Variants in DHRS7 observed in about 807,000 individuals in gnomAD.
DHRS7 encodes the protein dehydrogenase/reductase SDR family member 7.
DHRS7 carries 34 observed loss-of-function variants against 38.9 expected under a neutral mutation model. The observed-to-expected ratio is 0.87, with a 90% CI of 0.66 to 1.16. DHRS7 has a LOEUF of 1.16. Among genes scored for constraint, DHRS7 ranks in the 50% most tolerant of loss-of-function variants. The pLI is 0.00. For synonymous variants in DHRS7, 158 were observed against 153.1 expected, an observed-to-expected ratio of 1.03 and a Z score of -0.24; for missense variants, 421 against 407.0, an observed-to-expected ratio of 1.03 and a Z score of -0.30.
At chr14:60,154,136 C>T (rs987196714) in intron 2 of DHRS7, 71 bp from the exon 3 acceptor site, 2 of 1,175,310 alleles carry the variant, frequency 1.7e-6, no homozygotes, top group African/African-American at 1.5e-5. Context: ...CTCCCACTAA[C>T]ACCCACCCTG....
rs1338538492 is a variant in DHRS7 at position 60,148,385 on chromosome 14, A to G, written c.972+968T>C. Among the ~76,000 whole-genome samples, 1 of 152,214 alleles carries G rather than the reference A, an allele frequency of 6.6e-6. No individual in the cohort carries two copies. The highest frequency in any genetic ancestry group is 1.5e-5 in the Non-Finnish European group (1 of 68,036). ...ATCCTCAGCAATAATCTTTTGCTGC[A>G]TAATCATCTATAATTTTTGGTTTAC... On this transcript the variant is annotated intron_variant, in intron 6 of 6. Transcript: ENST00000557185. The surrounding 1 kb of genome is among the most constrained non-coding windows in gnomAD (Gnocchi z 4.8).
At chr14:60,150,518 C>T (rs1896522019) in intron 4 of DHRS7, among the ~76,000 whole-genome samples, 1 of 152,020 alleles carries the variant, frequency 6.6e-6, no homozygotes, top group African/African-American at 2.4e-5. Context: ...TTCCTGTGTC[C>T]AAGTGTTCTC....
At position 60,162,409 on chromosome 14, in the gene DHRS7, T is replaced by C. The variant is rs1467638290; in HGVS notation, c.133+2768A>G. 6.6e-6 allele frequency among the ~76,000 whole-genome samples: 1 copy of C among 151,562 alleles called. No homozygotes were observed. Among genetic ancestry groups the C allele is most frequent in the Non-Finnish European group, 1.5e-5 (1 of 67,934 alleles). On this transcript the variant is annotated intron_variant, in intron 1 of 6. Coordinates refer to ENST00000557185, the MANE Select transcript of DHRS7 (RefSeq NM_016029.4). This position sits in a 1 kb window ranked among gnomAD's most constrained non-coding sequence, Gnocchi z 4.5. ...AAAAAAAAAATCACCATGTGAGATATATGCTTGGAAATGCACAGAATTTCT... is the reference window on the plus strand; with the variant it reads ...AAAAAAAAAATCACCATGTGAGATACATGCTTGGAAATGCACAGAATTTCT...
upstream of DHRS7, among the ~76,000 whole-genome samples, chr14:60,168,272 ATAAGCAGT>A (rs1307325470): frequency 6.6e-6 from 1 of 152,220 alleles, no homozygotes; most frequent in African/African-American, 2.4e-5. Flanking sequence ...TCTCTTAAAC[ATAAGCAGT>A]TTATAGCTCT....
intron 4 of DHRS7, 107 bp from the exon 5 acceptor site, chr14:60,150,294 G>T: frequency 9.2e-7 from 1 of 1,081,662 alleles, no homozygotes; most frequent in Non-Finnish European, 1.3e-6. Flanking sequence ...GACAGGTAGT[G>T]TAATCATGCA....
At chr14:60,159,002 C>G in intron 1 of DHRS7, 1 of 406,042 alleles carries the variant, frequency 2.5e-6, no homozygotes, top group South Asian at 2.1e-5. Flanking sequence ...GAGGCATCCT[C>G]CCCATCCCTT....
intron 1 of DHRS7, among the ~76,000 whole-genome samples, chr14:60,158,414 A>AT (rs1896700531): frequency 6.6e-6 from 1 of 152,108 alleles, no homozygotes; most frequent in South Asian, 2.1e-4. Context: ...TTATTCATTC[A>AT]TTGACTACTT....
At chr14:60,151,418 G>A (rs953705995) in intron 4 of DHRS7, among the ~76,000 whole-genome samples, 1 of 151,796 alleles carries the variant, frequency 6.6e-6, no homozygotes, top group Non-Finnish European at 1.5e-5. Flanking sequence ...ACAGTACATT[G>A]TATATGATCC....
chr14:60,149,971 G>T, intron 5 of DHRS7, 94 bp downstream of exon 5: 1 of 1,332,118 alleles, frequency 7.5e-7, no homozygotes, highest in Non-Finnish European at 1.0e-6. Context: ...CACTTCTAAG[G>T]CAAAAACTAT....
chr14:60,149,311 A>G, intron 6 of DHRS7, 42 bp downstream of exon 6: 1 of 1,582,358 alleles, frequency 6.3e-7, no homozygotes, highest in Non-Finnish European at 8.7e-7. Context: ...CCTTCCTGCA[A>G]GATTGGTACA....
At chr14:60,150,238 A>G (rs748710545) in intron 4 of DHRS7, 51 bp from the exon 5 acceptor site, 3 of 1,432,300 alleles carry the variant, frequency 2.1e-6, no homozygotes, top group Admixed American at 2.5e-5. Context: ...ATACAGACAC[A>G]TATCTCATGA....
At position 60,149,479 on chromosome 14, in the gene DHRS7, T is replaced by G. The variant is rs111725318; in HGVS notation, c.846A>C (p.Lys282Asn). 1.2e-5 allele frequency: 20 copies of G among 1,614,190 alleles called. 2 individuals are homozygous for G. The African/African-American group carries it at 2.4e-4, about 19-fold the overall frequency. ...LMLISMANDL[K>N]EVWISEQPFL... ...AAGGTTGTTCTGAGATCCAAACTTC[T>G]TTCAAATCATTGGCCATGCTGATTA... is the stretch of plus-strand genomic sequence containing the variant. The change falls in exon 6 of 7, where the codon AAA becomes AAC. Residue 282 changes from lysine to asparagine, a missense_variant. Lys to Asn is a moderately conservative substitution (Grantham distance 94). Coordinates refer to ENST00000557185, the MANE Select transcript of DHRS7 (RefSeq NM_016029.4).
rs150173697 is a variant in DHRS7 at position 60,156,049 on chromosome 14, C to G, written c.237G>C (p.Leu79=). ...CCAGCTCATGCACTCTTCTGGCTGA[C>G]AGCACAAGAGAAACTCCTAGTTTAG... is the stretch of plus-strand genomic sequence containing the variant. ...QLSKLGVSLV[L]SARRVHELER... is the part of the protein sequence containing the mutation. Residue 79 remains leucine (L), a synonymous_variant, in exon 2 of 7, where the codon CTG becomes CTC. Coordinates refer to ENST00000557185, the MANE Select transcript of DHRS7 (RefSeq NM_016029.4). The G allele has an allele frequency of 6.2e-6, 10 of 1,602,148 alleles. No individual in the cohort carries two copies. The African/African-American group carries it at 1.4e-4, about 22-fold the overall frequency.
chr14:60,157,619 G>C (rs1311819136), intron 1 of DHRS7, among the ~76,000 whole-genome samples: 1 of 152,156 alleles, frequency 6.6e-6, no homozygotes, highest in Non-Finnish European at 1.5e-5. Flanking sequence ...AAAGGTAACT[G>C]AGGTTTACAG....
chr14:60,154,096 C>A, intron 2 of DHRS7, 31 bp from the exon 3 acceptor site: 1 of 1,569,700 alleles, frequency 6.4e-7, no homozygotes, highest in South Asian at 1.1e-5. Flanking sequence ...GTGTGGAAGT[C>A]ATGCCATAGT....
In DHRS7 at chr14:60,165,110, A is replaced by G; in HGVS notation, c.133+67T>C. Reference sequence around the variant, plus strand: ...CGGGATCACTGCAGAACCCCCGGAGACCCGGACACGCCTCGGCAGCTCCGA... The same window carrying G: ...CGGGATCACTGCAGAACCCCCGGAGGCCCGGACACGCCTCGGCAGCTCCGA... On this transcript the variant is annotated intron_variant, in intron 1 of 6. Transcript: ENST00000557185. The surrounding 1 kb of genome is among the most constrained non-coding windows in gnomAD (Gnocchi z 4.6). 1 of 1,583,002 alleles carries G rather than the reference A, an allele frequency of 6.3e-7. No homozygotes were observed. The highest frequency in any genetic ancestry group is 1.1e-5 in the South Asian group (1 of 88,358).
At chr14:60,154,833 A>C (rs1896624378) in intron 2 of DHRS7, among the ~76,000 whole-genome samples, 1 of 152,234 alleles carries the variant, frequency 6.6e-6, no homozygotes. Flanking sequence ...GACCTGGTTC[A>C]TCTACTCCAC....
intron 4 of DHRS7, among the ~76,000 whole-genome samples, chr14:60,151,540 A>G (rs569924050): frequency 7.9e-5 from 12 of 151,968 alleles, no homozygotes; most frequent in African/African-American, 2.9e-4. Flanking sequence ...TGAACCCAAA[A>G]AAAAAAAAAA....
upstream of DHRS7, among the ~76,000 whole-genome samples, chr14:60,166,923 T>G (rs1328154797): frequency 6.6e-6 from 1 of 152,138 alleles, no homozygotes; most frequent in African/African-American, 2.4e-5. Context: ...TCCTTGAAAT[T>G]TAAACCTCCT....
Sources: gnomAD v4.1 joint callset for allele counts (sites outside exome capture counted in the v4.1 genomes callset) on GRCh38, gnomAD v4.1.1 for gene constraint, Gnocchi (gnomAD v3.1) non-coding constraint, MANE v1.5 for transcripts, NCBI Gene and HGNC (gene_info 2026-07-23, HGNC 2026-07-21) for gene names.